The following RAP1GDS1 variants were observed in gnomAD, a reference collection of about 807,000 sequenced individuals.
The protein encoded by RAP1GDS1 is Rap1 GTPase-GDP dissociation stimulator 1.
Under a neutral mutation model 71.1 loss-of-function variants are expected in RAP1GDS1, and 35 were observed. That is an observed-to-expected ratio of 0.49 (90% CI 0.38 to 0.65). The LOEUF (loss-of-function observed/expected upper bound fraction) is 0.65, where lower values mean the gene tolerates loss of function less well. RAP1GDS1 is among the 30% of genes least tolerant of loss of function. The pLI is 0.00. For synonymous variants in RAP1GDS1, 229 were observed against 243.1 expected, an observed-to-expected ratio of 0.94 and a Z score of 0.54; for missense variants, 663 against 706.1, an observed-to-expected ratio of 0.94 and a Z score of 0.69.
At chr4:98,368,019 T>C (rs948540265) in intron 4 of RAP1GDS1, among the ~76,000 whole-genome samples, 2 of 152,116 alleles carry the variant, frequency 1.3e-5, no homozygotes, top group South Asian at 4.1e-4. Flanking sequence ...TGGAATGATA[T>C]GATTTGGCTG....
chr4:98,340,898 T>C (rs921690136), intron 2 of RAP1GDS1, among the ~76,000 whole-genome samples: 6 of 151,620 alleles, frequency 4.0e-5, no homozygotes, highest in African/African-American at 1.5e-4. Context: ...GGAAGATGAG[T>C]ATTGAAAAAC....
chr4:98,374,573 A>G (rs1740879961), intron 4 of RAP1GDS1, among the ~76,000 whole-genome samples: 1 of 152,172 alleles, frequency 6.6e-6, no homozygotes, highest in Non-Finnish European at 1.5e-5. Flanking sequence ...ATTGTAGGAA[A>G]ACAGATTAAC....
Position 98,343,210 on chromosome 4 carries a change from T to C in RAP1GDS1, c.184T>C (p.Ser62Pro). ...GTTTGCAAGTCTGTTGACTCCACAG[T>C]CTTCCTGCAAAGCCAAAGTAGCTAA... is the stretch of plus-strand genomic sequence containing the variant. ...QLFASLLTPQ[S>P]SCKAKVANII... The change falls in exon 3 of 15, where the codon TCT becomes CCT. Residue 62 changes from serine (S) to proline (P), a missense_variant. Ser to Pro is a moderately conservative substitution (Grantham distance 74). Coordinates refer to ENST00000408927, the MANE Select transcript of RAP1GDS1 (RefSeq NM_001100427.2). The C allele has an allele frequency of 2.5e-6, 4 of 1,605,402 alleles. No homozygotes were observed. Among genetic ancestry groups the C allele is most frequent in the Non-Finnish European group, 3.4e-6 (4 of 1,172,126 alleles).
At chr4:98,302,071 A>G (rs1201541909) in intron 2 of RAP1GDS1, among the ~76,000 whole-genome samples, 1 of 152,214 alleles carries the variant, frequency 6.6e-6, no homozygotes, top group East Asian at 1.9e-4. Flanking sequence ...GAAATTTCAG[A>G]TAAGATACAT....
chr4:98,399,810 G>T (rs28883979), intron 6 of RAP1GDS1, among the ~76,000 whole-genome samples: 8,091 of 152,128 alleles, frequency 0.053, 539 homozygotes, highest in African/African-American at 0.16. Flanking sequence ...GGAGAAAAAA[G>T]AACTCACACT....
intron 4 of RAP1GDS1, among the ~76,000 whole-genome samples, chr4:98,373,767 T>G (rs942841211): frequency 6.6e-6 from 1 of 152,160 alleles, no homozygotes; most frequent in African/African-American, 2.4e-5. Flanking sequence ...GGTAAGAGAT[T>G]AATACAATAA....
At chr4:98,320,691 CA>C (rs1245208248) in intron 2 of RAP1GDS1, among the ~76,000 whole-genome samples, 1 of 151,568 alleles carries the variant, frequency 6.6e-6, no homozygotes, top group Non-Finnish European at 1.5e-5. Flanking sequence ...GGTATTCCAA[CA>C]GACCTGCAGC....
chr4:98,441,885 T>C (rs1045968467), intron 14 of RAP1GDS1, 105 bp from the exon 15 acceptor site: 1 of 1,244,938 alleles, frequency 8.0e-7, no homozygotes, highest in Non-Finnish European at 1.1e-6. Flanking sequence ...GAATTGTTTC[T>C]AGTTTTATAA....
chr4:98,434,813 G>T (rs1446149146), intron 13 of RAP1GDS1, among the ~76,000 whole-genome samples: 1 of 151,906 alleles, frequency 6.6e-6, no homozygotes, highest in Non-Finnish European at 1.5e-5. Flanking sequence ...TAGAGACAGG[G>T]TTTCACCATG....
intron 1 of RAP1GDS1, among the ~76,000 whole-genome samples, chr4:98,264,875 G>A (rs895492886): frequency 2.0e-5 from 3 of 152,136 alleles, no homozygotes; most frequent in African/African-American, 7.2e-5. Context: ...GAATTTCCAG[G>A]ATATGATTAA....
chr4:98,364,390 C>A (rs1378685649), intron 4 of RAP1GDS1, among the ~76,000 whole-genome samples: 1 of 152,096 alleles, frequency 6.6e-6, no homozygotes, highest in Non-Finnish European at 1.5e-5. Context: ...AGTGACTTAT[C>A]AGAATCAACA....
intron 13 of RAP1GDS1, among the ~76,000 whole-genome samples, chr4:98,434,333 A>G (rs1750859414): frequency 6.6e-6 from 1 of 152,126 alleles, no homozygotes; most frequent in African/African-American, 2.4e-5. Flanking sequence ...GAATAGAGAA[A>G]ACGTTTTCAG....
At chr4:98,264,157 G>T (rs151249513) in intron 1 of RAP1GDS1, among the ~76,000 whole-genome samples, 1 of 152,126 alleles carries the variant, frequency 6.6e-6, no homozygotes, top group Admixed American at 6.6e-5. Context: ...TTGGGAGGCC[G>T]AGGCGGGCGG....
chr4:98,436,137 C>A (rs1751108556), intron 13 of RAP1GDS1, among the ~76,000 whole-genome samples: 1 of 151,650 alleles, frequency 6.6e-6, no homozygotes, highest in African/African-American at 2.4e-5. Context: ...GGTTCATTTT[C>A]TTTGTCCCAT....
chr4:98,372,177 T>C (rs1414915530), intron 4 of RAP1GDS1, among the ~76,000 whole-genome samples: 1 of 152,160 alleles, frequency 6.6e-6, no homozygotes, highest in African/African-American at 2.4e-5. Context: ...TATTGTTTGT[T>C]TTTGAGGTGG....
chr4:98,300,901 G>A (rs1728484284), intron 2 of RAP1GDS1, among the ~76,000 whole-genome samples: 4 of 152,060 alleles, frequency 2.6e-5, no homozygotes, highest in South Asian at 2.1e-4. Flanking sequence ...AAAAACTTTT[G>A]TTGTCATTTG....
chr4:98,343,105 T>G (rs762474013), intron 2 of RAP1GDS1, 34 bp from the exon 3 acceptor site: 2 of 1,564,432 alleles, frequency 1.3e-6, no homozygotes, highest in Admixed American at 4.0e-5. Flanking sequence ...CATTAAAGAT[T>G]TTCACTGAAG....
At chr4:98,277,588 GTCTAACTCATT>G (rs2110243917) in intron 1 of RAP1GDS1, among the ~76,000 whole-genome samples, 1 of 152,182 alleles carries the variant, frequency 6.6e-6, no homozygotes, top group Admixed American at 6.5e-5. Context: ...ATTTTTCATA[GTCTAACTCATT>G]AAGACGGCTT....
rs35696332 is a variant in RAP1GDS1, at chr4:98,319,778, CAA to C, written c.113-23341_113-23340del. 9.6e-3 allele frequency among the ~76,000 whole-genome samples: 764 copies of C among 79,192 alleles called. 5 individuals are homozygous for C. Among genetic ancestry groups the C allele is most frequent in the South Asian group, 0.044 (105 of 2,404 alleles). 52.0% of individuals were successfully genotyped at this position (79,192 alleles called of 152,430 possible). On this transcript the variant is annotated intron_variant, in intron 2 of 14. Coordinates refer to ENST00000408927, the MANE Select transcript of RAP1GDS1 (RefSeq NM_001100427.2). ...CCTGGGCAACAGAGTGAGAATGTCT[CAA>C]AAAAAAAAAAAAAAAAAAAGAGAGA...
Sources: gnomAD v4.1 joint callset for allele counts (sites outside exome capture counted in the v4.1 genomes callset) on GRCh38, gnomAD v4.1.1 for gene constraint, MANE v1.5 for transcripts, NCBI Gene and HGNC (gene_info 2026-07-23, HGNC 2026-07-21) for gene names.